The following NKD1 variants were observed in gnomAD, a reference collection of about 807,000 sequenced individuals.
NKD1 encodes the protein protein naked cuticle homolog 1.
In NKD1, 21 loss-of-function variants were observed where a neutral mutation model predicts 56.0. The observed-to-expected ratio is 0.38, with a 90% CI of 0.27 to 0.54. NKD1 has a LOEUF of 0.54. NKD1 is among the 20% of genes least tolerant of loss of function. The pLI is 0.82. For synonymous variants in NKD1, 263 were observed against 265.7 expected (o/e 0.99, Z 0.10); for missense variants, 578 against 642.7 (o/e 0.90, Z 1.09).
Position 50,643,758 on chromosome 16 carries a change from G to A in NKD1, c.*9977G>A, listed in dbSNP as rs1483433187. The A allele has an allele frequency of 6.6e-6, 1 of 152,220 alleles. No homozygotes were observed. The highest frequency in any genetic ancestry group is 1.5e-5 in the Non-Finnish European group (1 of 68,046). The allele number at this position is 152,220 out of a possible 1,614,324, so 9.4% of individuals were successfully genotyped here. A position where few individuals can be genotyped will look rare whatever the true frequency, so the allele number is the denominator to read the frequency against. On this transcript the variant is annotated 3_prime_UTR_variant, in exon 10 of 10. Coordinates refer to ENST00000268459, the MANE Select transcript of NKD1 (RefSeq NM_033119.5). ...ATAACCTTGTTTTATGTGTGCTTCT[G>A]TTTAAAGATGCCTAATTTACTATAT... is the stretch of plus-strand genomic sequence containing the variant.
chr16:50,625,575 C>T lies in NKD1; in HGVS notation c.457C>T (p.Arg153Ter). The change falls in exon 6 of 10, where the codon CGA becomes TGA. Residue 153 changes from arginine (R) to a stop codon, truncating the protein, a stop_gained. Coordinates refer to ENST00000268459, the MANE Select transcript of NKD1 (RefSeq NM_033119.5). LOFTEE classifies it high-confidence loss of function. Reference sequence around the variant, plus strand: ...CTTTGACAACAACGGCAAGGTCACCCGAGAGGTGAGTGCACCTGCCTGGCC... The same window carrying T: ...CTTTGACAACAACGGCAAGGTCACCTGAGAGGTGAGTGCACCTGCCTGGCC... ...YDFDNNGKVT[R>*]EDITSLLHTI... 1.9e-6 allele frequency: 3 copies of T among 1,608,492 alleles called. No homozygotes were observed. Among genetic ancestry groups the T allele is most frequent in the Non-Finnish European group, 2.6e-6 (3 of 1,174,928 alleles).
chr16:50,633,466 A>G lies in NKD1; in HGVS notation c.1098A>G (p.Arg366=). The G allele has an allele frequency of 6.2e-7, 1 of 1,609,538 alleles. No individual in the cohort carries two copies. Among genetic ancestry groups the G allele is most frequent in the Non-Finnish European group, 8.5e-7 (1 of 1,177,598 alleles). ...VGVGHVARGA[R]NKPPLGPAIP... is the part of the protein sequence containing the mutation. Reference sequence around the variant, plus strand: ...TGGGCCACGTGGCCAGAGGGGCAAGAAACAAGCCCCCTCTGGGACCCGCCA... The same window carrying G: ...TGGGCCACGTGGCCAGAGGGGCAAGGAACAAGCCCCCTCTGGGACCCGCCA... Residue 366 remains arginine (R), a synonymous_variant, in exon 10 of 10, where the codon AGA becomes AGG. Coordinates refer to ENST00000268459, the MANE Select transcript of NKD1 (RefSeq NM_033119.5). The surrounding 1 kb of genome is among the most constrained non-coding windows in gnomAD (Gnocchi z 4.9).
At chr16:50,601,786 G>A (rs1298128861) in intron 3 of NKD1, among the ~76,000 whole-genome samples, 1 of 152,196 alleles carries the variant, frequency 6.6e-6, no homozygotes, top group African/African-American at 2.4e-5. Flanking sequence ...CAGGGGAGTG[G>A]CTGAGGACTC....
At chr16:50,553,099 C>T (rs1243133836) in intron 3 of NKD1, among the ~76,000 whole-genome samples, 1 of 152,170 alleles carries the variant, frequency 6.6e-6, no homozygotes, top group Non-Finnish European at 1.5e-5. Flanking sequence ...ACGGAGGATG[C>T]TGGAAACATG....
intron 3 of NKD1, among the ~76,000 whole-genome samples, chr16:50,588,598 CTTTTTT>C (rs574622414): frequency 9.5e-5 from 9 of 94,678 alleles, no homozygotes; most frequent in African/African-American, 3.3e-4. Context: ...TTTTCTTCTG[CTTTTTT>C]TTTTTTTTTT....
chr16:50,591,894 G>T (rs1403079255), intron 3 of NKD1, among the ~76,000 whole-genome samples: 1 of 152,244 alleles, frequency 6.6e-6, no homozygotes, highest in East Asian at 1.9e-4. Context: ...AAATAGGTGG[G>T]GTGGCTGCCC....
intron 3 of NKD1, among the ~76,000 whole-genome samples, chr16:50,561,031 C>T (rs1960619986): frequency 6.6e-6 from 1 of 152,164 alleles, no homozygotes; most frequent in Non-Finnish European, 1.5e-5. Context: ...TTCCTGACCT[C>T]TCTGTGCTTT....
Position 50,641,029 on chromosome 16 carries a change from G to A in NKD1, c.*7248G>A, listed in dbSNP as rs900302434. The A allele has an allele frequency of 7.9e-5, 12 of 152,218 alleles. No homozygotes were observed. Among genetic ancestry groups the A allele is most frequent in the Non-Finnish European group, 1.5e-4 (10 of 68,050 alleles). 9.4% of individuals were successfully genotyped at this position (152,218 alleles called of 1,614,324 possible). A position where few individuals can be genotyped will look rare whatever the true frequency, so the allele number is the denominator to read the frequency against. ...CAAATGGACAGTTCTTCCCAAAGCT[G>A]AGCGCAGACCGGCTTGCAGGTCCTT... On this transcript the variant is annotated 3_prime_UTR_variant, in exon 10 of 10. Coordinates refer to ENST00000268459, the MANE Select transcript of NKD1 (RefSeq NM_033119.5).
chr16:50,552,596 T>C (rs1004331797), intron 3 of NKD1: 1 of 152,224 alleles, frequency 6.6e-6, no homozygotes, highest in African/African-American at 2.4e-5. Flanking sequence ...CAGAAATAAA[T>C]GAGGTCAGGC....
chr16:50,560,582 A>G (rs55970478), intron 3 of NKD1, among the ~76,000 whole-genome samples: 5,594 of 151,850 alleles, frequency 0.037, 344 homozygotes, highest in African/African-American at 0.13. Flanking sequence ...ATTCAAATTC[A>G]GATCACTCAG....
rs1297861473 is a variant in NKD1 at position 50,634,151 on chromosome 16, C to G, written c.*370C>G. 2.0e-5 allele frequency: 4 copies of G among 195,418 alleles called. No homozygotes were observed. In the East Asian group the frequency reaches 3.5e-4, roughly 17 times the overall value. 12.1% of individuals were successfully genotyped at this position (195,418 alleles called of 1,614,324 possible). ...CACCCCAGCCTCTTCCAGGAGAGCA[C>G]CCTTACTTGGCCCGGCTTCCAGAGA... On this transcript the variant is annotated 3_prime_UTR_variant, in exon 10 of 10. Coordinates refer to ENST00000268459, the MANE Select transcript of NKD1 (RefSeq NM_033119.5).
At chr16:50,611,335 C>T (rs74545004) in intron 4 of NKD1, among the ~76,000 whole-genome samples, 4,276 of 132,584 alleles carry the variant, frequency 0.032, 98 homozygotes, top group Non-Finnish European at 0.046. Flanking sequence ...TTCTATTTCT[C>T]CACTCTCCGG....
intron 3 of NKD1, among the ~76,000 whole-genome samples, chr16:50,572,107 T>C (rs1960898186): frequency 1.3e-5 from 2 of 152,236 alleles, no homozygotes; most frequent in Non-Finnish European, 2.9e-5. Context: ...ACATGTGCCT[T>C]GGAGCAGCTT....
intron 6 of NKD1, 101 bp downstream of exon 6, chr16:50,625,681 C>T (rs1418048755): frequency 5.2e-6 from 4 of 767,858 alleles, no homozygotes; most frequent in Non-Finnish European, 9.0e-6. Context: ...TGCATCGGTC[C>T]TGCCCCTCAG....
rs2151283552 is a variant in NKD1 at position 50,641,615 on chromosome 16, C to G, written c.*7834C>G. Reference sequence around the variant, plus strand: ...CATGCCTTTTTTCCTGCGCCCGGAGCCCCTCTCAGCCTGATTTTGAGGCCT... The same window carrying G: ...CATGCCTTTTTTCCTGCGCCCGGAGGCCCTCTCAGCCTGATTTTGAGGCCT... On this transcript the variant is annotated 3_prime_UTR_variant, in exon 10 of 10. Transcript: ENST00000268459. 6.6e-6 allele frequency: 1 copy of G among 152,346 alleles called. No homozygotes were observed. The allele number at this position is 152,346 out of a possible 1,614,324, so 9.4% of individuals were successfully genotyped here.
intron 3 of NKD1, chr16:50,562,336 C>T: frequency 1.1e-6 from 1 of 921,202 alleles, no homozygotes; most frequent in Non-Finnish European, 1.3e-6. Context: ...AGAGAAAGAT[C>T]TGGAAGGGTA....
At position 50,644,601 on chromosome 16, in the gene NKD1, G is replaced by C. The variant is rs947779653; in HGVS notation, c.*10820G>C. ...ATATTCAGATGGTGTCACTGGGCTC[G>C]GCCTGTGGGCTCTCAGCACATCTAG... On this transcript the variant is annotated 3_prime_UTR_variant, in exon 10 of 10. Transcript: ENST00000268459. The C allele has an allele frequency of 5.3e-5, 8 of 152,136 alleles. No homozygotes were observed. Among genetic ancestry groups the C allele is most frequent in the African/African-American group, 1.9e-4 (8 of 41,416 alleles). 9.4% of individuals were successfully genotyped at this position (152,136 alleles called of 1,614,324 possible). A position where few individuals can be genotyped will look rare whatever the true frequency, so the allele number is the denominator to read the frequency against.
chr16:50,630,883 G>T lies in NKD1; in HGVS notation c.668G>T (p.Trp223Leu), dbSNP rs2151281055. The stretch of plus-strand genomic sequence containing the variant: ...AAGCCCACTGAGGACCTGCGGAGCT[G>T]GGAGAAGAAGCAGCGAGCCCCGCTC... Reference protein sequence around the residue: ...ETKPTEDLRSWEKKQRAPLRF... With the variant: ...ETKPTEDLRSLEKKQRAPLRF... The change falls in exon 8 of 10, where the codon TGG becomes TTG. Residue 223 changes from tryptophan to leucine, a missense_variant. Transcript: ENST00000268459. The T allele has an allele frequency of 1.2e-6, 2 of 1,604,546 alleles. No individual in the cohort carries two copies. The highest frequency in any genetic ancestry group is 4.5e-5 in the East Asian group (2 of 44,510).
chr16:50,577,741 A>G (rs1185288024), intron 3 of NKD1, among the ~76,000 whole-genome samples: 1 of 152,176 alleles, frequency 6.6e-6, no homozygotes, highest in Non-Finnish European at 1.5e-5. Flanking sequence ...GATTCCACAT[A>G]TAAATGAGAT....
Sources: allele counts gnomAD v4.1 joint callset (sites outside exome capture counted in the v4.1 genomes callset), GRCh38; gene constraint gnomAD v4.1.1; non-coding constraint Gnocchi (gnomAD v3.1); transcripts MANE v1.5; gene names NCBI Gene and HGNC (gene_info 2026-07-23, HGNC 2026-07-21).